ITGA9: variants seen among roughly 807,000 people sequenced by gnomAD.
The protein encoded by ITGA9 is integrin subunit alpha 9.
ITGA9 carries 56 observed loss-of-function variants against 127.8 expected under a neutral mutation model. That is an observed-to-expected ratio of 0.44 (90% CI 0.35 to 0.55). The LOEUF is 0.55. Ranked by LOEUF, ITGA9 falls within the 20% of genes least tolerant of loss-of-function variation. ITGA9 has a pLI of 0.00. For missense variants in ITGA9, 1,196 were observed against 1,347.1 expected (o/e 0.89, Z 1.76); for synonymous variants, 508 against 514.5 (o/e 0.99, Z 0.17).
At chr3:37,497,144 T>C (rs111661946) in intron 5 of ITGA9, among the ~76,000 whole-genome samples, 427 of 152,328 alleles carry the variant, frequency 2.8e-3, no homozygotes, top group Non-Finnish European at 5.2e-3. Flanking sequence ...AGTACATTAT[T>C]CTGTTTTGTT....
At chr3:37,710,051 G>T (rs1444267055) in intron 18 of ITGA9, among the ~76,000 whole-genome samples, 1 of 152,202 alleles carries the variant, frequency 6.6e-6, no homozygotes, top group African/African-American at 2.4e-5. Flanking sequence ...GTTGAGTGTT[G>T]TATTTACTTT....
chr3:37,732,246 C>G (rs1257434773), intron 18 of ITGA9, among the ~76,000 whole-genome samples: 1 of 152,162 alleles, frequency 6.6e-6, no homozygotes, highest in Non-Finnish European at 1.5e-5. Flanking sequence ...GGTGGACAGC[C>G]CAGCCCTCAC....
At chr3:37,710,191 G>A (rs539593984) in intron 18 of ITGA9, among the ~76,000 whole-genome samples, 110 of 152,314 alleles carry the variant, frequency 7.2e-4, no homozygotes, top group Non-Finnish European at 1.5e-3. Context: ...AGCAGGAATT[G>A]TTATTCCCAT....
In ITGA9 at chr3:37,590,129, A is replaced by G. The variant is rs138713928; in HGVS notation, c.1690-39058A>G. Reference sequence around the variant, plus strand: ...TGGAGCTCCTTTTTAAAAAGGAGTTACATTGCTTTGGGAGTTCAGGACACA... The same window carrying G: ...TGGAGCTCCTTTTTAAAAAGGAGTTGCATTGCTTTGGGAGTTCAGGACACA... On this transcript the variant is annotated intron_variant, in intron 15 of 27. Coordinates refer to ENST00000264741, the MANE Select transcript of ITGA9 (RefSeq NM_002207.3). 3.2e-3 allele frequency among the ~76,000 whole-genome samples: 485 copies of G among 152,312 alleles called. 2 individuals are homozygous for G. The highest frequency in any genetic ancestry group is 0.011 in the African/African-American group (456 of 41,576).
At chr3:37,620,449 A>T (rs75377921) in intron 15 of ITGA9, among the ~76,000 whole-genome samples, 3 of 152,168 alleles carry the variant, frequency 2.0e-5, no homozygotes, top group East Asian at 1.9e-4. Context: ...TGGCTTTTTT[A>T]GAGTGTCAGG....
rs192564077 is a variant in ITGA9, at chr3:37,699,531, A to C, written c.2067+15516A>C. Among the ~76,000 whole-genome samples the C allele has an allele frequency of 2.1e-3, 324 of 152,314 alleles. 1 individual carries two copies. The highest frequency in any genetic ancestry group is 7.5e-3 in the African/African-American group (312 of 41,564). Reference sequence around the variant, plus strand: ...TGGTTCCATCTTGGTCCAAGTCACCATCGTCTTTTGCCTCATTATTGATTG... The same window carrying C: ...TGGTTCCATCTTGGTCCAAGTCACCCTCGTCTTTTGCCTCATTATTGATTG... On this transcript the variant is annotated intron_variant, in intron 18 of 27. Transcript: ENST00000264741.
rs1442667503 is a variant in ITGA9 at position 37,512,184 on chromosome 3, CT to C, written c.898-1575del. Reference sequence around the variant, plus strand: ...CTTTTCTTTTCTTTTCTTTTCTTTTCTTTTCTTTTCTTTTCTTTTCTTTTCT... The same window carrying C: ...CTTTTCTTTTCTTTTCTTTTCTTTTCTTTCTTTTCTTTTCTTTTCTTTTCT... On this transcript the variant is annotated intron_variant, in intron 8 of 27. Transcript: ENST00000264741. 1.4e-3 allele frequency among the ~76,000 whole-genome samples: 29 copies of C among 21,184 alleles called. 1 individual carries two copies. Among genetic ancestry groups the C allele is most frequent in the African/African-American group, 4.5e-3 (28 of 6,286 alleles). The allele number at this position is 21,184 out of a possible 152,430, so 13.9% of individuals were successfully genotyped here. A position where few individuals can be genotyped will look rare whatever the true frequency, so the allele number is the denominator to read the frequency against.
At chr3:37,724,114 A>G (rs958853672) in intron 18 of ITGA9, among the ~76,000 whole-genome samples, 2 of 152,146 alleles carry the variant, frequency 1.3e-5, no homozygotes, top group African/African-American at 4.8e-5. Flanking sequence ...GCTCACATCA[A>G]GGAAGGGAAT....
intron 15 of ITGA9, among the ~76,000 whole-genome samples, chr3:37,588,625 C>A (rs1052713361): frequency 6.6e-6 from 1 of 152,202 alleles, no homozygotes; most frequent in African/African-American, 2.4e-5. Context: ...CTCACAAACT[C>A]ATTGCCCCTT....
intron 12 of ITGA9, among the ~76,000 whole-genome samples, 190 bp from the exon 13 acceptor site, chr3:37,525,836 G>A (rs1010753847): frequency 6.6e-6 from 1 of 152,134 alleles, no homozygotes; most frequent in Non-Finnish European, 1.5e-5. Context: ...AGTAGCCTGC[G>A]TAGGGATTGG....
chr3:37,622,657 A>T (rs1356989140), intron 15 of ITGA9, among the ~76,000 whole-genome samples: 1 of 152,118 alleles, frequency 6.6e-6, no homozygotes, highest in Admixed American at 6.6e-5. Flanking sequence ...AGCCTGGCCA[A>T]CATGGTGAAA....
intron 12 of ITGA9, 38 bp from the exon 13 acceptor site, chr3:37,525,988 C>T: frequency 6.2e-7 from 1 of 1,602,034 alleles, no homozygotes; most frequent in African/African-American, 1.3e-5. Flanking sequence ...GTATGGGCTT[C>T]AGCAAGTTTC....
intron 18 of ITGA9, among the ~76,000 whole-genome samples, chr3:37,709,966 ACT>A (rs1701060309): frequency 6.6e-6 from 1 of 152,176 alleles, no homozygotes; most frequent in African/African-American, 2.4e-5. Flanking sequence ...CAAGCGCGAA[ACT>A]CTGTGAAACT....
At chr3:37,673,691 T>A (rs993566553) in intron 17 of ITGA9, among the ~76,000 whole-genome samples, 27 of 152,210 alleles carry the variant, frequency 1.8e-4, no homozygotes, top group African/African-American at 6.3e-4. Flanking sequence ...CCCATTTTAA[T>A]CCCTTCTATG....
intron 15 of ITGA9, among the ~76,000 whole-genome samples, chr3:37,573,667 G>C (rs1699624069): frequency 6.6e-6 from 1 of 152,174 alleles, no homozygotes; most frequent in Non-Finnish European, 1.5e-5. Context: ...AGATTTCCGA[G>C]AGAGTGCGGT....
rs1697521074 is a variant in ITGA9, at chr3:37,822,045, AG to A, written c.*3060del. ...GCTCAGAAGCCCTCTCTATGCTCTCAGGGGAAGCAGATGGGGTGGATCAGTA... is the reference window on the plus strand; with the variant it reads ...GCTCAGAAGCCCTCTCTATGCTCTCAGGGAAGCAGATGGGGTGGATCAGTA... On this transcript the variant is annotated 3_prime_UTR_variant, in exon 28 of 28. Coordinates refer to ENST00000264741, the MANE Select transcript of ITGA9 (RefSeq NM_002207.3). The A allele has an allele frequency of 6.6e-6, 1 of 152,148 alleles. No homozygotes were observed. The highest frequency in any genetic ancestry group is 2.1e-4 in the South Asian group (1 of 4,826). 9.4% of individuals were successfully genotyped at this position (152,148 alleles called of 1,614,324 possible).
At chr3:37,735,485 G>A (rs577199097) in intron 19 of ITGA9, among the ~76,000 whole-genome samples, 15 of 152,342 alleles carry the variant, frequency 9.8e-5, no homozygotes, top group Non-Finnish European at 1.9e-4. Context: ...GCAAATATTA[G>A]ACCATTGCCT....
intron 16 of ITGA9, among the ~76,000 whole-genome samples, chr3:37,648,361 T>A (rs1700399110): frequency 6.6e-6 from 1 of 152,172 alleles, no homozygotes; most frequent in South Asian, 2.1e-4. Context: ...CAGTGCCTCA[T>A]ACCTGTAATC....
chr3:37,531,425 G>C (rs1026941455), intron 13 of ITGA9, among the ~76,000 whole-genome samples: 4 of 152,204 alleles, frequency 2.6e-5, no homozygotes, highest in Admixed American at 2.6e-4. Flanking sequence ...ACCTGTGAAG[G>C]TCCCTGTGGT....
Sources: allele counts gnomAD v4.1 joint callset (sites outside exome capture counted in the v4.1 genomes callset), GRCh38; gene constraint gnomAD v4.1.1; transcripts MANE v1.5; gene names NCBI Gene and HGNC (gene_info 2026-07-23, HGNC 2026-07-21).